The following RAB3C variants were observed in gnomAD, a reference collection of about 807,000 sequenced individuals.
The protein encoded by RAB3C is RAB3C, member RAS oncogene family.
A neutral mutation model predicts 26.4 loss-of-function variants in RAB3C; 17 were observed. The observed-to-expected ratio is 0.64, with a 90% CI of 0.44 to 0.97. The LOEUF is 0.97. Among genes scored for constraint, RAB3C ranks in the 50% least tolerant of loss-of-function variants. The pLI is 0.00. For synonymous variants in RAB3C, 91 were observed against 95.9 expected, an observed-to-expected ratio of 0.95 and a Z score of 0.30; for missense variants, 242 against 281.9, an observed-to-expected ratio of 0.86 and a Z score of 1.01.
chr5:58,703,681 T>C (rs1258133368), intron 2 of RAB3C, among the ~76,000 whole-genome samples: 2 of 152,186 alleles, frequency 1.3e-5, no homozygotes, highest in African/African-American at 4.8e-5. Context: ...CTTTGAGGGC[T>C]ACTAAAAGCT....
chr5:58,611,644 G>C (rs1312801286), intron 1 of RAB3C, among the ~76,000 whole-genome samples: 1 of 151,900 alleles, frequency 6.6e-6, no homozygotes, highest in African/African-American at 2.4e-5. Flanking sequence ...ATTTGTTAGA[G>C]GCATAGTTTG....
rs1282091184 is a variant in RAB3C at position 58,834,050 on chromosome 5, A to G, written c.496+8888A>G. On this transcript the variant is annotated intron_variant, in intron 4 of 4. Coordinates refer to ENST00000282878, the MANE Select transcript of RAB3C (RefSeq NM_138453.4). ...TTAGTTCAAAAAAGTAAATAACATC[A>G]TTAAGAACTGGCCATTGTAGCTACC... is the stretch of plus-strand genomic sequence containing the variant. Among the ~76,000 whole-genome samples the G allele has an allele frequency of 3.3e-5, 5 of 152,372 alleles. No individual in the cohort carries two copies. The South Asian group carries it at 8.3e-4, about 25-fold the overall frequency.
chr5:58,670,941 G>A (rs1748103675), intron 2 of RAB3C, among the ~76,000 whole-genome samples: 1 of 152,076 alleles, frequency 6.6e-6, no homozygotes, highest in Non-Finnish European at 1.5e-5. Context: ...TCAAACCCCT[G>A]GCCATCATAT....
At position 58,610,194 on chromosome 5, in the gene RAB3C, C is replaced by CTCTGTGTGTGTGTGTGTGTGTGTG. The variant is rs1746668435; in HGVS notation, c.25-7448_25-7447insCTGTGTGTGTGTGTGTGTGTGTGT. 2.8e-5 allele frequency among the ~76,000 whole-genome samples: 4 copies of CTCTGTGTGTGTGTGTGTGTGTGTG among 143,490 alleles called. No individual in the cohort carries two copies. In the South Asian group the frequency reaches 9.1e-4, roughly 33 times the overall value. The allele number at this position is 143,490 out of a possible 152,430, so 94.1% of individuals were successfully genotyped here. Reference sequence around the variant, plus strand: ...TCAGAAAAAAATGATTTTTGTTTTTCTGTGTGTGTGTGTGTGTGTGTGTGT... The same window carrying CTCTGTGTGTGTGTGTGTGTGTGTG: ...TCAGAAAAAAATGATTTTTGTTTTTCTCTGTGTGTGTGTGTGTGTGTGTGTGTGTGTGTGTGTGTGTGTGTGTGT... On this transcript the variant is annotated intron_variant, in intron 1 of 4. Transcript: ENST00000282878.
At chr5:58,789,772 G>A (rs563295705) in intron 3 of RAB3C, among the ~76,000 whole-genome samples, 2 of 152,210 alleles carry the variant, frequency 1.3e-5, no homozygotes, top group Admixed American at 6.5e-5. Flanking sequence ...CATTTTCTTG[G>A]GAATATTGGA....
intron 2 of RAB3C, among the ~76,000 whole-genome samples, chr5:58,701,505 T>C (rs1748841513): frequency 1.3e-5 from 2 of 152,170 alleles, no homozygotes; most frequent in Admixed American, 6.5e-5. Flanking sequence ...TCCATTCCCA[T>C]TGAACATGTA....
At chr5:58,809,616 C>T (rs1002026930) in intron 3 of RAB3C, among the ~76,000 whole-genome samples, 6 of 152,096 alleles carry the variant, frequency 3.9e-5, no homozygotes, top group Admixed American at 3.3e-4. Context: ...GCCCCAGTAC[C>T]CAATGTGATG....
At chr5:58,588,543 G>A (rs558007008) in intron 1 of RAB3C, among the ~76,000 whole-genome samples, 52 of 152,104 alleles carry the variant, frequency 3.4e-4, no homozygotes, top group Admixed American at 3.1e-3. Context: ...TTATGCATCT[G>A]GGGGGTTTGT....
intron 3 of RAB3C, among the ~76,000 whole-genome samples, chr5:58,750,058 G>GTA (rs1191540749): frequency 6.6e-6 from 1 of 152,040 alleles, no homozygotes; most frequent in Non-Finnish European, 1.5e-5. Flanking sequence ...TTTATTAAAT[G>GTA]TATAGTATAT....
intron 3 of RAB3C, among the ~76,000 whole-genome samples, chr5:58,728,620 A>C (rs1261068847): frequency 6.6e-6 from 1 of 151,998 alleles, no homozygotes; most frequent in Non-Finnish European, 1.5e-5. Context: ...TTCTGGGAGC[A>C]CATGTTAATC....
At chr5:58,808,100 C>T (rs1742985052) in intron 3 of RAB3C, among the ~76,000 whole-genome samples, 1 of 151,512 alleles carries the variant, frequency 6.6e-6, no homozygotes, top group African/African-American at 2.4e-5. Context: ...TGGTGGGCGC[C>T]TGTAGTCCCA....
chr5:58,693,353 T>TATACATATATATATATATATATATATAC lies in RAB3C; in HGVS notation c.253-32646_253-32645insCATATATATATATATATATATATACATA, dbSNP rs1561291415. On this transcript the variant is annotated intron_variant, in intron 2 of 4. Coordinates refer to ENST00000282878, the MANE Select transcript of RAB3C (RefSeq NM_138453.4). ...ATATATGTGTATATATATATATATA[T>TATACATATATATATATATATATATATAC]ATATATATAAAATTTCTTAAAACCT... is the stretch of plus-strand genomic sequence containing the variant. Among the ~76,000 whole-genome samples the TATACATATATATATATATATATATATAC allele has an allele frequency of 1.3e-4, 18 of 142,266 alleles. 1 individual carries two copies. The highest frequency in any genetic ancestry group is 4.6e-4 in the African/African-American group (17 of 37,006). The allele number at this position is 142,266 out of a possible 152,430, so 93.3% of individuals were successfully genotyped here. A position where few individuals can be genotyped will look rare whatever the true frequency, so the allele number is the denominator to read the frequency against.
At chr5:58,629,005 A>G (rs1441151564) in intron 2 of RAB3C, among the ~76,000 whole-genome samples, 1 of 135,268 alleles carries the variant, frequency 7.4e-6, no homozygotes, top group African/African-American at 2.8e-5. Context: ...AGCTTGGGCA[A>G]CATAGTGAGA....
intron 1 of RAB3C, among the ~76,000 whole-genome samples, chr5:58,587,890 T>C (rs1445022872): frequency 6.6e-6 from 1 of 152,158 alleles, no homozygotes; most frequent in Non-Finnish European, 1.5e-5. Flanking sequence ...AGGAGTTTGA[T>C]TTGTTCTAGA....
At chr5:58,639,911 C>T (rs1268532729) in intron 2 of RAB3C, among the ~76,000 whole-genome samples, 2 of 152,006 alleles carry the variant, frequency 1.3e-5, no homozygotes, top group African/African-American at 4.8e-5. Context: ...AAGATGTTAC[C>T]CTTCCTTCCC....
At chr5:58,792,782 T>TCA (rs1742558488) in intron 3 of RAB3C, among the ~76,000 whole-genome samples, 2 of 152,130 alleles carry the variant, frequency 1.3e-5, no homozygotes, top group Non-Finnish European at 2.9e-5. Context: ...TGTGTGTGTG[T>TCA]GTATGTGTAT....
intron 2 of RAB3C, among the ~76,000 whole-genome samples, chr5:58,690,435 A>G (rs292994): frequency 0.36 from 54,516 of 151,986 alleles, 10,184 homozygotes; most frequent in East Asian, 0.42. Context: ...TGCTGGAGTG[A>G]AATGTGCAAA....
At chr5:58,620,416 G>A (rs2111728194) in intron 2 of RAB3C, among the ~76,000 whole-genome samples, 1 of 152,256 alleles carries the variant, frequency 6.6e-6, no homozygotes, top group Middle Eastern at 3.4e-3. Context: ...ACATTTAAAA[G>A]AAGTACAATA....
chr5:58,835,688 A>G (rs1743731236), intron 4 of RAB3C, among the ~76,000 whole-genome samples: 1 of 152,238 alleles, frequency 6.6e-6, no homozygotes, highest in Non-Finnish European at 1.5e-5. Context: ...GGTCCATGTA[A>G]CCGAAATCTG....
Sources: allele counts gnomAD v4.1 joint callset (sites outside exome capture counted in the v4.1 genomes callset), GRCh38; gene constraint gnomAD v4.1.1; transcripts MANE v1.5; gene names NCBI Gene and HGNC (gene_info 2026-07-23, HGNC 2026-07-21).